NRXN3: variants seen among roughly 807,000 people sequenced by gnomAD.
NRXN3 encodes the protein neurexin 3.
A neutral mutation model predicts 137.6 loss-of-function variants in NRXN3; 32 were observed. The ratio of observed to expected loss-of-function variants is 0.23; its 90% CI spans 0.18 to 0.31. NRXN3 has a LOEUF of 0.31. Ranked by LOEUF, NRXN3 falls within the 10% of genes least tolerant of loss-of-function variation. NRXN3 has a pLI of 1.00. For synonymous variants in NRXN3, 798 were observed against 784.5 expected, an observed-to-expected ratio of 1.02 and a Z score of -0.29; for missense variants, 1,574 against 2,062.5, an observed-to-expected ratio of 0.76 and a Z score of 4.59.
intron 1 of NRXN3, among the ~76,000 whole-genome samples, chr14:78,186,533 T>C (rs2060245133): frequency 6.6e-6 from 1 of 152,248 alleles, no homozygotes; most frequent in Non-Finnish European, 1.5e-5. Flanking sequence ...TTTCCATTTG[T>C]ATTTAGTGGG....
chr14:79,785,786 C>G (rs1460733838), intron 19 of NRXN3, among the ~76,000 whole-genome samples: 1 of 152,024 alleles, frequency 6.6e-6, no homozygotes, highest in Admixed American at 6.6e-5. Context: ...TTGGGACTAC[C>G]CTTTGAGACC....
At chr14:78,585,366 AT>A (rs746859533) in intron 4 of NRXN3, among the ~76,000 whole-genome samples, 2 of 152,030 alleles carry the variant, frequency 1.3e-5, no homozygotes, top group Non-Finnish European at 2.9e-5. Flanking sequence ...GAGAGTAGAG[AT>A]GATATCTGAG....
intron 15 of NRXN3, among the ~76,000 whole-genome samples, chr14:79,462,189 C>A (rs2096353397): frequency 6.6e-6 from 1 of 151,710 alleles, no homozygotes; most frequent in South Asian, 2.1e-4. Flanking sequence ...GCCTGACCAA[C>A]ATGGTGAAAC....
chr14:78,189,656 G>A (rs750228825), intron 1 of NRXN3, among the ~76,000 whole-genome samples: 2 of 151,760 alleles, frequency 1.3e-5, no homozygotes, highest in East Asian at 3.9e-4. Context: ...GTGCAATCTC[G>A]GCTCACTGCA....
chr14:78,582,020 G>A (rs570213462), intron 4 of NRXN3, among the ~76,000 whole-genome samples: 1 of 152,000 alleles, frequency 6.6e-6, no homozygotes, highest in African/African-American at 2.4e-5. Context: ...ATTAATTTTC[G>A]CATCATCCTG....
intron 16 of NRXN3, among the ~76,000 whole-genome samples, chr14:79,655,239 A>T (rs1387170839): frequency 6.6e-6 from 1 of 152,192 alleles, no homozygotes; most frequent in Non-Finnish European, 1.5e-5. Context: ...GAACAGGGTT[A>T]CCAAGACCAG....
intron 4 of NRXN3, among the ~76,000 whole-genome samples, chr14:78,513,543 T>G (rs2096148234): frequency 6.6e-6 from 1 of 152,150 alleles, no homozygotes. Flanking sequence ...ATGACCATTC[T>G]ATGAGACACA....
At chr14:79,261,951 A>C (rs1414164623) in intron 15 of NRXN3, among the ~76,000 whole-genome samples, 1 of 152,062 alleles carries the variant, frequency 6.6e-6, no homozygotes, top group Non-Finnish European at 1.5e-5. Context: ...TATGACTCTC[A>C]GATGCTAATG....
chr14:79,115,202 G>A (rs1420491380), intron 15 of NRXN3, among the ~76,000 whole-genome samples: 1 of 151,912 alleles, frequency 6.6e-6, no homozygotes, highest in Non-Finnish European at 1.5e-5. Flanking sequence ...GCACATGCCT[G>A]TAATCCCAGC....
In NRXN3 at chr14:78,382,769, TTTGTAC is replaced by T. The variant is rs925094158; in HGVS notation, c.757+84912_757+84917del. ...CCCTATTCCCTCTCCTTGTTTCCAATTTGTACTTAGGATTCTAAAGTAACAGTACTC... is the reference window on the plus strand; with the variant it reads ...CCCTATTCCCTCTCCTTGTTTCCAATTTAGGATTCTAAAGTAACAGTACTC... On this transcript the variant is annotated intron_variant, in intron 4 of 20. Coordinates refer to ENST00000335750, the MANE Select transcript of NRXN3 (RefSeq NM_001330195.2). Among the ~76,000 whole-genome samples the T allele has an allele frequency of 1.5e-4, 23 of 152,276 alleles. No individual in the cohort carries two copies. The South Asian group carries it at 1.7e-3, about 11-fold the overall frequency.
At chr14:78,844,679 T>G (rs1188685869) in intron 10 of NRXN3, among the ~76,000 whole-genome samples, 1 of 152,124 alleles carries the variant, frequency 6.6e-6, no homozygotes, top group African/African-American at 2.4e-5. Context: ...AGAACAGATT[T>G]TAAACTACTT....
At chr14:79,826,020 C>A (rs2099298278) in intron 20 of NRXN3, among the ~76,000 whole-genome samples, 1 of 151,512 alleles carries the variant, frequency 6.6e-6, no homozygotes, top group South Asian at 2.1e-4. Context: ...TGTGGGGGGA[C>A]AGTCTCACTC....
intron 1 of NRXN3, among the ~76,000 whole-genome samples, chr14:78,183,537 G>A (rs1484596164): frequency 1.3e-5 from 2 of 152,208 alleles, no homozygotes; most frequent in Non-Finnish European, 2.9e-5. Context: ...AATGGGGCAT[G>A]ATAAAATATT....
At chr14:78,521,918 G>A (rs1395767661) in intron 4 of NRXN3, among the ~76,000 whole-genome samples, 2 of 152,118 alleles carry the variant, frequency 1.3e-5, no homozygotes, top group Non-Finnish European at 2.9e-5. Flanking sequence ...TTATCATAAA[G>A]GATGGTAGCC....
chr14:78,505,778 A>G (rs1160690983), intron 4 of NRXN3, among the ~76,000 whole-genome samples: 1 of 147,496 alleles, frequency 6.8e-6, no homozygotes, highest in East Asian at 2.0e-4. Flanking sequence ...AACTTTTTAA[A>G]CAAAAGTTGA....
chr14:79,434,796 C>T (rs560565286), intron 15 of NRXN3, among the ~76,000 whole-genome samples: 1 of 152,296 alleles, frequency 6.6e-6, no homozygotes, highest in Admixed American at 6.5e-5. Flanking sequence ...CGGCTAAAGC[C>T]TCAGCCAGTC....
chr14:78,748,648 C>T (rs191895392), intron 8 of NRXN3, among the ~76,000 whole-genome samples: 30 of 152,062 alleles, frequency 2.0e-4, no homozygotes, highest in African/African-American at 5.8e-4. Context: ...ACAGAGATAG[C>T]GATAAGTGAA....
chr14:78,909,825 AAGTTCATGG>A (rs1353957130), intron 10 of NRXN3, among the ~76,000 whole-genome samples: 1 of 152,090 alleles, frequency 6.6e-6, no homozygotes, highest in Non-Finnish European at 1.5e-5. Flanking sequence ...CTTGCCCATG[AAGTTCATGG>A]AGTGCTTTTA....
At chr14:79,669,021 G>A in intron 17 of NRXN3, 1 of 152,006 alleles carries the variant, frequency 6.6e-6, no homozygotes, top group East Asian at 1.9e-4. Flanking sequence ...AAATTTCTCA[G>A]GCCTTGGGTT....
Sources: gnomAD v4.1 joint callset for allele counts (sites outside exome capture counted in the v4.1 genomes callset) on GRCh38, gnomAD v4.1.1 for gene constraint, MANE v1.5 for transcripts, NCBI Gene and HGNC (gene_info 2026-07-23, HGNC 2026-07-21) for gene names.